Variants in NRK observed in about 807,000 individuals in gnomAD.
NRK encodes nik-related protein kinase.
NRK carries 67 observed loss-of-function variants against 125.2 expected under a neutral mutation model. That is an observed-to-expected ratio of 0.54 (90% CI 0.44 to 0.66). The LOEUF (loss-of-function observed/expected upper bound fraction) is 0.66. Among genes scored for constraint, NRK ranks in the 30% least tolerant of loss-of-function variants. NRK has a pLI of 0.00. For missense variants in NRK, 1,224 were observed against 1,192.9 expected (o/e 1.03, Z -0.38); for synonymous variants, 458 against 429.0 (o/e 1.07, Z -0.84).
intron 2 of NRK, among the ~76,000 whole-genome samples, chrX:105,866,060 G>A (rs1238062766): frequency 9.2e-6 from 1 of 108,156 alleles, no homozygotes; most frequent in Non-Finnish European, 1.9e-5. Flanking sequence ...TTCATGGATC[G>A]GTTTTAATCT....
At chrX:105,827,022 A>T (rs1171511725) in intron 1 of NRK, among the ~76,000 whole-genome samples, 1 of 111,666 alleles carries the variant, frequency 9.0e-6, no homozygotes, top group Non-Finnish European at 1.9e-5. Flanking sequence ...CGTAATTCCA[A>T]GGAATCTGTA....
chrX:105,926,975 G>A, intron 19 of NRK, among the ~76,000 whole-genome samples: 1 of 110,726 alleles, frequency 9.0e-6, no homozygotes, highest in Middle Eastern at 4.7e-3. Context: ...GTCTTTTTTG[G>A]TTCCATGCAA....
intron 15 of NRK, among the ~76,000 whole-genome samples, chrX:105,916,194 C>T (rs754754317): frequency 4.1e-4 from 45 of 110,978 alleles, no homozygotes; most frequent in Non-Finnish European, 6.6e-4. Flanking sequence ...GCTAATGCCA[C>T]AGAATGGGTA....
At chrX:105,936,531 T>C (rs983573529) in intron 21 of NRK, among the ~76,000 whole-genome samples, 4 of 111,912 alleles carry the variant, frequency 3.6e-5, no homozygotes, top group Non-Finnish European at 7.5e-5. Flanking sequence ...AAAGACAGAG[T>C]GAGAAAATGA....
chrX:105,847,351 T>C (rs1242650201), intron 2 of NRK, among the ~76,000 whole-genome samples: 1 of 112,618 alleles, frequency 8.9e-6, no homozygotes, highest in East Asian at 2.8e-4. Flanking sequence ...TGGCATGTTA[T>C]ATGGGGAATA....
chrX:105,835,288 G>T (rs1285856817), intron 2 of NRK, among the ~76,000 whole-genome samples: 1 of 111,078 alleles, frequency 9.0e-6, no homozygotes, highest in African/African-American at 3.3e-5. Context: ...GTGCATATGT[G>T]GGGGTTGGTC....
intron 7 of NRK, among the ~76,000 whole-genome samples, chrX:105,896,786 T>TAA (rs1029181233): frequency 2.7e-5 from 3 of 111,759 alleles, no homozygotes; most frequent in African/African-American, 9.8e-5. Context: ...GAGGTTGCAG[T>TAA]AAACTATGAT....
chrX:105,924,599 T>TA lies in NRK; in HGVS notation c.2976-95dup, dbSNP rs1244208506. 20 of 658,605 alleles carry TA rather than the reference T, an allele frequency of 3.0e-5. No individual in the cohort carries two copies. In the Admixed American group the frequency reaches 5.7e-4, roughly 19 times the overall value. The allele number at this position is 658,605 out of a possible 1,213,427, so 54.3% of individuals were successfully genotyped here. A position where few individuals can be genotyped will look rare whatever the true frequency, so the allele number is the denominator to read the frequency against. ...CAAAGACAAGCCTGGGCATGGTAGA[T>TA]ATGTATAAGACACATCCTAATTCTG... is the stretch of plus-strand genomic sequence containing the variant. On this transcript the variant is annotated intron_variant, in intron 18 of 28. Coordinates refer to ENST00000243300, the MANE Select transcript of NRK (RefSeq NM_198465.4).
intron 19 of NRK, among the ~76,000 whole-genome samples, chrX:105,931,812 C>T (rs2040598481): frequency 1.8e-5 from 2 of 111,492 alleles, no homozygotes; most frequent in South Asian, 3.8e-4. Context: ...CAACTGGAAC[C>T]GATTATTTTT....
In NRK at chrX:105,948,821, A is replaced by C. The variant is rs768430923; in HGVS notation, c.4354-754A>C. 1.0e-5 allele frequency: 4 copies of C among 391,008 alleles called. No individual in the cohort carries two copies. The East Asian group carries it at 1.7e-4, about 16-fold the overall frequency. 32.2% of individuals were successfully genotyped at this position (391,008 alleles called of 1,213,427 possible). On this transcript the variant is annotated intron_variant, in intron 26 of 28. Transcript: ENST00000243300. ...TGCTAGTTTGAAGAAACCATAGAGGAACACAATTTTTCATTTGTAGGGAAA... is the reference window on the plus strand; with the variant it reads ...TGCTAGTTTGAAGAAACCATAGAGGCACACAATTTTTCATTTGTAGGGAAA...
chrX:105,847,289 CAG>C (rs770551268), intron 2 of NRK, among the ~76,000 whole-genome samples: 9 of 111,900 alleles, frequency 8.0e-5, no homozygotes, highest in Admixed American at 4.7e-4. Flanking sequence ...CTAATGAAAA[CAG>C]AGAGAATTAA....
intron 14 of NRK, among the ~76,000 whole-genome samples, chrX:105,914,621 C>A (rs374146738): frequency 4.6e-5 from 5 of 109,213 alleles, no homozygotes; most frequent in African/African-American, 1.7e-4. Flanking sequence ...GCTTCATAAG[C>A]CAAAAGTCCC....
At chrX:105,849,431 T>G (rs941482160) in intron 2 of NRK, among the ~76,000 whole-genome samples, 1 of 111,078 alleles carries the variant, frequency 9.0e-6, no homozygotes, top group Non-Finnish European at 1.9e-5. Flanking sequence ...CCAAATCTCA[T>G]GTCCTCACAT....
chrX:105,871,485 A>AACAC lies in NRK; in HGVS notation c.124-8693_124-8690dup, dbSNP rs112464085. 3.4e-3 allele frequency among the ~76,000 whole-genome samples: 357 copies of AACAC among 104,669 alleles called. 2 individuals carry two copies. The highest frequency in any genetic ancestry group is 0.011 in the African/African-American group (315 of 28,458). 90.9% of individuals were successfully genotyped at this position (104,669 alleles called of 115,157 possible). ...ATAAATTATCTTTGTACACCCCACC[A>AACAC]ACACACACACACACACACACACACC... On this transcript the variant is annotated intron_variant, in intron 2 of 28. Transcript: ENST00000243300.
chrX:105,853,319 G>A (rs932898550), intron 2 of NRK, among the ~76,000 whole-genome samples: 8 of 111,829 alleles, frequency 7.2e-5, no homozygotes, highest in African/African-American at 2.6e-4. Context: ...AGGTATTTCC[G>A]ATGCATGCAC....
intron 2 of NRK, among the ~76,000 whole-genome samples, chrX:105,843,109 T>C (rs2039350559): frequency 8.9e-6 from 1 of 111,769 alleles, no homozygotes; most frequent in African/African-American, 3.3e-5. Flanking sequence ...GTAAAGTGCA[T>C]TGTACATATT....
chrX:105,884,268 C>T (rs1194468318), intron 4 of NRK, among the ~76,000 whole-genome samples: 1 of 111,250 alleles, frequency 9.0e-6, no homozygotes, highest in African/African-American at 3.3e-5. Flanking sequence ...TAGGTAAATC[C>T]AGTGGAAAAT....
chrX:105,836,027 G>A (rs533763455), intron 2 of NRK, among the ~76,000 whole-genome samples: 1 of 111,724 alleles, frequency 9.0e-6, no homozygotes, highest in Admixed American at 9.5e-5. Flanking sequence ...ACCTGCTTCC[G>A]TTGTGACCTT....
chrX:105,896,955 G>A (rs770486005), intron 7 of NRK, among the ~76,000 whole-genome samples: 6 of 112,541 alleles, frequency 5.3e-5, no homozygotes, highest in African/African-American at 6.4e-5. Context: ...CACTGTGTTC[G>A]CATATAGAGC....
Sources: allele counts gnomAD v4.1 joint callset (sites outside exome capture counted in the v4.1 genomes callset), GRCh38; gene constraint gnomAD v4.1.1; transcripts MANE v1.5; gene names NCBI Gene and HGNC (gene_info 2026-07-23, HGNC 2026-07-21).